PLXNA4: variants seen among roughly 807,000 people sequenced by gnomAD.
PLXNA4 encodes the protein plexin A4.
A neutral mutation model predicts 191.8 loss-of-function variants in PLXNA4; 44 were observed. The ratio of observed to expected loss-of-function variants is 0.23; its 90% CI spans 0.18 to 0.29. The LOEUF (loss-of-function observed/expected upper bound fraction) is 0.29, where lower values mean the gene tolerates loss of function less well. PLXNA4 is among the 10% of genes least tolerant of loss of function. The pLI, the probability that PLXNA4 is intolerant of heterozygous loss-of-function variation, is 1.00. For missense variants in PLXNA4, 1,800 were observed against 2,488.8 expected, an observed-to-expected ratio of 0.72 and a Z score of 5.89; for synonymous variants, 1,082 against 1,009.5, an observed-to-expected ratio of 1.07 and a Z score of -1.36.
At chr7:132,188,044 A>G (rs1796937640) in intron 14 of PLXNA4, among the ~76,000 whole-genome samples, 2 of 151,800 alleles carry the variant, frequency 1.3e-5, no homozygotes, top group South Asian at 4.2e-4. Context: ...CTGAGATCTT[A>G]CCCCAGAGCT....
Position 132,376,060 on chromosome 7 carries a change from A to G in PLXNA4, c.1372-77838T>C, listed in dbSNP as rs572034777. 1.1e-4 allele frequency among the ~76,000 whole-genome samples: 17 copies of G among 152,206 alleles called. No homozygotes were observed. The South Asian group carries it at 3.5e-3, about 32-fold the overall frequency. On this transcript the variant is annotated intron_variant, in intron 3 of 31. Coordinates refer to ENST00000321063, the MANE Select transcript of PLXNA4 (RefSeq NM_020911.2). ...AGGGTCTCAGCTTCCCCATCTGCAAATTTGGAACAGCCCCACCTGTAGCAT... is the reference window on the plus strand; with the variant it reads ...AGGGTCTCAGCTTCCCCATCTGCAAGTTTGGAACAGCCCCACCTGTAGCAT...
chr7:132,151,268 GGAA>G (rs1473193322), intron 25 of PLXNA4, among the ~76,000 whole-genome samples: 7 of 101,446 alleles, frequency 6.9e-5, no homozygotes, highest in Admixed American at 4.3e-4. Context: ...AGGAGGAGGA[GGAA>G]GAAGAAGGAG....
chr7:132,478,684 T>C (rs1797219461), intron 3 of PLXNA4, among the ~76,000 whole-genome samples: 1 of 152,222 alleles, frequency 6.6e-6, no homozygotes, highest in Admixed American at 6.5e-5. Flanking sequence ...AATTTGTATC[T>C]GAGACTCCCA....
intron 2 of PLXNA4, among the ~76,000 whole-genome samples, chr7:132,599,015 A>C (rs1802768016): frequency 1.3e-5 from 2 of 152,180 alleles, no homozygotes; most frequent in Non-Finnish European, 2.9e-5. Flanking sequence ...CAAATCTGTT[A>C]ATTAAATAGT....
At chr7:132,630,625 C>T (rs1240697227) in intron 2 of PLXNA4, among the ~76,000 whole-genome samples, 2 of 152,172 alleles carry the variant, frequency 1.3e-5, no homozygotes, top group Non-Finnish European at 2.9e-5. Flanking sequence ...CATTCTCCTG[C>T]CTCAGCCTCC....
intron 3 of PLXNA4, among the ~76,000 whole-genome samples, chr7:132,355,087 T>G (rs955381654): frequency 5.3e-5 from 8 of 152,200 alleles, no homozygotes; most frequent in Admixed American, 3.3e-4. Flanking sequence ...CTGCCTCTAG[T>G]GGTCAGGGCC....
intron 3 of PLXNA4, among the ~76,000 whole-genome samples, chr7:132,320,916 C>T (rs779482896): frequency 3.7e-4 from 56 of 152,136 alleles, no homozygotes; most frequent in Non-Finnish European, 7.2e-4. Flanking sequence ...TGACTGCTCC[C>T]GCGGCAGGGC....
At chr7:132,166,607 A>G (rs1430934321) in intron 22 of PLXNA4, among the ~76,000 whole-genome samples, 1 of 151,944 alleles carries the variant, frequency 6.6e-6, no homozygotes, top group Non-Finnish European at 1.5e-5. Context: ...CTGGTAAGAG[A>G]AAAGAAGAAG....
At chr7:132,227,418 A>G in intron 7 of PLXNA4, 33 bp downstream of exon 7, 1 of 1,613,614 alleles carries the variant, frequency 6.2e-7, no homozygotes. Context: ...AGGAGGAAGA[A>G]GTGCCACTCA....
chr7:132,311,201 T>TGTGTGTGTGTGTGTGTGTGC (rs1327681030), intron 3 of PLXNA4, among the ~76,000 whole-genome samples: 3 of 133,422 alleles, frequency 2.2e-5, no homozygotes, highest in Admixed American at 7.6e-5. Flanking sequence ...TGTGCGCGTG[T>TGTGTGTGTGTGTGTGTGTGC]GGCCTAAAGG....
chr7:132,526,509 CCA>C (rs1799407323), intron 1 of PLXNA4, among the ~76,000 whole-genome samples: 3 of 152,178 alleles, frequency 2.0e-5, no homozygotes, highest in Admixed American at 1.3e-4. Flanking sequence ...TAGCTCATTC[CCA>C]GACTCAAAGG....
intron 3 of PLXNA4, among the ~76,000 whole-genome samples, chr7:132,434,294 G>T (rs1259263809): frequency 6.6e-6 from 1 of 152,106 alleles, no homozygotes; most frequent in Non-Finnish European, 1.5e-5. Flanking sequence ...TCTGGCCACC[G>T]TAGTGTACCC....
chr7:132,612,609 AGAG>A (rs1274718203), intron 2 of PLXNA4, among the ~76,000 whole-genome samples: 7 of 148,248 alleles, frequency 4.7e-5, no homozygotes, highest in African/African-American at 1.7e-4. Flanking sequence ...GGTTGCAGTG[AGAG>A]GAGATTGCAC....
chr7:132,354,075 C>T (rs1585027358), intron 3 of PLXNA4, among the ~76,000 whole-genome samples: 1 of 152,244 alleles, frequency 6.6e-6, no homozygotes, highest in South Asian at 2.1e-4. Context: ...GAATGTTCCC[C>T]CAAGGGGACA....
intron 3 of PLXNA4, among the ~76,000 whole-genome samples, chr7:132,314,860 C>T (rs558487800): frequency 5.3e-5 from 8 of 152,312 alleles, no homozygotes; most frequent in Non-Finnish European, 1.0e-4. Flanking sequence ...TTGCAAGACA[C>T]GAAAAGAAGC....
At chr7:132,192,043 C>T (rs922889086) in intron 14 of PLXNA4, among the ~76,000 whole-genome samples, 1 of 152,062 alleles carries the variant, frequency 6.6e-6, no homozygotes, top group Admixed American at 6.6e-5. Flanking sequence ...TTATGAATTC[C>T]TATGTGCATT....
chr7:132,541,783 AAGTTGTGGGGATGGGCTC>A (rs1347349788), intron 1 of PLXNA4, among the ~76,000 whole-genome samples: 8 of 152,222 alleles, frequency 5.3e-5, no homozygotes, highest in Non-Finnish European at 7.3e-5. Context: ...CAGAGATGAT[AAGTTGTGGGGATGGGCTC>A]AGTTTCCATT....
chr7:132,213,244 C>A (rs1797860418), intron 9 of PLXNA4, among the ~76,000 whole-genome samples: 1 of 152,100 alleles, frequency 6.6e-6, no homozygotes, highest in African/African-American at 2.4e-5. Context: ...TAAGGGGAGG[C>A]AGGATGGGTA....
chr7:132,505,172 T>G (rs916373825), intron 2 of PLXNA4, among the ~76,000 whole-genome samples: 1 of 152,254 alleles, frequency 6.6e-6, no homozygotes, highest in Non-Finnish European at 1.5e-5. Context: ...AATCAAAAGC[T>G]TGTTATCTTG....
Sources: allele counts gnomAD v4.1 joint callset (sites outside exome capture counted in the v4.1 genomes callset), GRCh38; gene constraint gnomAD v4.1.1; transcripts MANE v1.5; gene names NCBI Gene and HGNC (gene_info 2026-07-23, HGNC 2026-07-21).